Variants in SDR42E1 observed in about 807,000 individuals in gnomAD.
SDR42E1 encodes short-chain dehydrogenase/reductase family 42E member 1.
A neutral mutation model predicts 2.6 loss-of-function variants in SDR42E1; 5 were observed. The observed-to-expected ratio is 1.94, with a 90% CI of 1.01 to 4.08. The LOEUF is 4.08. SDR42E1 is among the 30% of genes most tolerant of loss of function. The probability of loss-of-function intolerance (pLI) is 0.00; values close to 1 mark genes in which losing one functional copy is unlikely to be tolerated. For synonymous variants in SDR42E1, 231 were observed against 188.3 expected, an observed-to-expected ratio of 1.23 and a Z score of -1.86; for missense variants, 596 against 478.6, an observed-to-expected ratio of 1.25 and a Z score of -2.29.
In SDR42E1 at chr16:81,999,226, C is replaced by T. The variant is rs775258325; in HGVS notation, c.1067G>A (p.Gly356Asp). 1 of 1,614,088 alleles carries T rather than the reference C, an allele frequency of 6.2e-7. No individual in the cohort carries two copies. The highest frequency in any genetic ancestry group is 1.3e-5 in the African/African-American group (1 of 74,926). ...AVEWFKAHGHGRSSGSRDSEC... is the reference protein window; with the variant it reads ...AVEWFKAHGHDRSSGSRDSEC... ...CGAGTCACGACTTCCAGAACTTCTG[C>T]CATGACCATGGGCTTTAAACCATTC... Residue 356 changes from glycine (G) to aspartate (D), a missense_variant, in exon 3 of 3, where the codon GGC becomes GAC. Coordinates refer to ENST00000328945, the MANE Select transcript of SDR42E1 (RefSeq NM_145168.3).
Position 81,997,734 on chromosome 16 carries a change from T to C in SDR42E1, c.*1377A>G, listed in dbSNP as rs1277576758. ...GAACCCTATGGGGTGGGTGGGTTTA[T>C]ACAAAGGGCAAATGCAGTCAGTCCC... On this transcript the variant is annotated 3_prime_UTR_variant, in exon 3 of 3. Transcript: ENST00000328945. 3 of 152,216 alleles carry C rather than the reference T, an allele frequency of 2.0e-5. No homozygotes were observed. Among genetic ancestry groups the C allele is most frequent in the East Asian group, 3.8e-4 (2 of 5,198 alleles). The allele number at this position is 152,216 out of a possible 1,614,324, so 9.4% of individuals were successfully genotyped here.
rs1251015799 is a variant in SDR42E1, at chr16:81,996,559, G to C, written c.*2552C>G. 6.6e-6 allele frequency: 1 copy of C among 152,094 alleles called. No homozygotes were observed. Among genetic ancestry groups the C allele is most frequent in the Non-Finnish European group, 1.5e-5 (1 of 68,038 alleles). The allele number at this position is 152,094 out of a possible 1,614,324, so 9.4% of individuals were successfully genotyped here. A position where few individuals can be genotyped will look rare whatever the true frequency, so the allele number is the denominator to read the frequency against. On this transcript the variant is annotated 3_prime_UTR_variant, in exon 3 of 3. Coordinates refer to ENST00000328945, the MANE Select transcript of SDR42E1 (RefSeq NM_145168.3). ...ACAGGTGCATGTGGGACATCCATGT[G>C]GAGTTGCAGAAGTACTTAGATATGA... is the stretch of plus-strand genomic sequence containing the variant.
Position 81,993,824 on chromosome 16 carries a change from T to C in SDR42E1, c.*5287A>G, listed in dbSNP as rs372923801. On this transcript the variant is annotated 3_prime_UTR_variant, in exon 3 of 3. Transcript: ENST00000328945. ...CATATAAAACAAGAGTTTGAACTAC[T>C]CTGCTTAAAGGTATGTTGGTGCCAA... is the stretch of plus-strand genomic sequence containing the variant. The C allele has an allele frequency of 4.6e-5, 7 of 152,336 alleles. No individual in the cohort carries two copies. Among genetic ancestry groups the C allele is most frequent in the African/African-American group, 1.7e-4 (7 of 41,566 alleles). 9.4% of individuals were successfully genotyped at this position (152,336 alleles called of 1,614,324 possible).
chr16:82,000,059 A>G lies in SDR42E1; in HGVS notation c.234T>C (p.His78=). The G allele has an allele frequency of 6.2e-7, 1 of 1,614,220 alleles. No homozygotes were observed. Among genetic ancestry groups the G allele is most frequent in the Non-Finnish European group, 8.5e-7 (1 of 1,180,036 alleles). ...FQDADVTCVF[H]IASYGMSGRE... ...GCCCTGACATACCATAAGAGGCAAT[A>G]TGGAACACACAAGTGACGTCTGCAT... Residue 78 remains histidine (H), a synonymous_variant, in exon 3 of 3, where the codon CAT becomes CAC. Coordinates refer to ENST00000328945, the MANE Select transcript of SDR42E1 (RefSeq NM_145168.3).
In SDR42E1 at chr16:81,996,803, C is replaced by G. The variant is rs1315546549; in HGVS notation, c.*2308G>C. ...GATATGGAAGCAGGAATGTGGTAGC[C>G]AGGTTCCACGTTGGCCTCCAATGAC... On this transcript the variant is annotated 3_prime_UTR_variant, in exon 3 of 3. Transcript: ENST00000328945. 6.6e-6 allele frequency: 1 copy of G among 152,150 alleles called. No individual in the cohort carries two copies. Among genetic ancestry groups the G allele is most frequent in the African/African-American group, 2.4e-5 (1 of 41,420 alleles). The allele number at this position is 152,150 out of a possible 1,614,324, so 9.4% of individuals were successfully genotyped here.
At position 81,989,258 on chromosome 16, in the gene SDR42E1, C is replaced by T. The variant is rs974375675; in HGVS notation, c.*9853G>A. 11 of 152,032 alleles carry T rather than the reference C, an allele frequency of 7.2e-5. No individual in the cohort carries two copies. Among genetic ancestry groups the T allele is most frequent in the African/African-American group, 2.7e-4 (11 of 41,388 alleles). 9.4% of individuals were successfully genotyped at this position (152,032 alleles called of 1,614,324 possible). On this transcript the variant is annotated 3_prime_UTR_variant, in exon 3 of 3. Coordinates refer to ENST00000328945, the MANE Select transcript of SDR42E1 (RefSeq NM_145168.3). ...AATATCAATAGATCACCATGCTGTA[C>T]TATTGAGTGAGAAACCGTAGTAGCA... is the stretch of plus-strand genomic sequence containing the variant.
intron 1 of SDR42E1, among the ~76,000 whole-genome samples, chr16:82,010,329 G>C (rs936849825): frequency 2.0e-5 from 3 of 152,132 alleles, no homozygotes; most frequent in Admixed American, 1.3e-4. Context: ...TAAGGGGTTG[G>C]GCAGGGTTCA....
intron 1 of SDR42E1, among the ~76,000 whole-genome samples, chr16:82,006,209 TAAGA>T (rs1481586284): frequency 3.3e-5 from 5 of 152,204 alleles, no homozygotes; most frequent in Admixed American, 6.5e-5. Flanking sequence ...GTATTTACTT[TAAGA>T]GAGAGAAAAA....
intron 1 of SDR42E1, among the ~76,000 whole-genome samples, chr16:82,004,705 G>C (rs941555402): frequency 7.9e-5 from 12 of 152,210 alleles, no homozygotes; most frequent in African/African-American, 2.9e-4. Context: ...GCCTTTGTAG[G>C]TTTACAGCAA....
intron 1 of SDR42E1, among the ~76,000 whole-genome samples, chr16:82,004,618 A>C (rs541771128): frequency 3.3e-5 from 5 of 152,292 alleles, no homozygotes; most frequent in Admixed American, 3.3e-4. Context: ...CTCCTACCTC[A>C]GCATCCTGAG....
rs1194488872 is a variant in SDR42E1 at position 81,989,782 on chromosome 16, G to A, written c.*9329C>T. ...GGAGGCCGAGGTGGGTGGATCACCT[G>A]AGCTCAGGAGTTCGATACCATCACG... On this transcript the variant is annotated 3_prime_UTR_variant, in exon 3 of 3. Transcript: ENST00000328945. 1 of 152,222 alleles carries A rather than the reference G, an allele frequency of 6.6e-6. No homozygotes were observed. The highest frequency in any genetic ancestry group is 1.9e-4 in the East Asian group (1 of 5,198). The allele number at this position is 152,222 out of a possible 1,614,324, so 9.4% of individuals were successfully genotyped here. A position where few individuals can be genotyped will look rare whatever the true frequency, so the allele number is the denominator to read the frequency against.
At position 81,999,579 on chromosome 16, in the gene SDR42E1, G is replaced by C; in HGVS notation, c.714C>G (p.Ala238=). Residue 238 remains alanine, a synonymous_variant, in exon 3 of 3, where the codon GCC becomes GCG. Transcript: ENST00000328945. ...LVQAHILASE[A]LRADKGHIAS... Reference sequence around the variant, plus strand: ...CAATATGGCCCTTGTCAGCTCTCAGGGCTTCTGAGGCCAGAATGTGAGCCT... The same window carrying C: ...CAATATGGCCCTTGTCAGCTCTCAGCGCTTCTGAGGCCAGAATGTGAGCCT... The C allele has an allele frequency of 6.2e-7, 1 of 1,614,086 alleles. No homozygotes were observed. Among genetic ancestry groups the C allele is most frequent in the Non-Finnish European group, 8.5e-7 (1 of 1,180,026 alleles).
Position 82,004,088 on chromosome 16 carries a change from G to A in SDR42E1, c.-26-3204C>T, listed in dbSNP as rs116758274. On this transcript the variant is annotated intron_variant, in intron 1 of 2. Coordinates refer to ENST00000328945, the MANE Select transcript of SDR42E1 (RefSeq NM_145168.3). ...CGAGACAGAGGTCCTGCTTTCCAGA[G>A]CTTACAAATAAGAAAGAGGCTTCTA... Among the ~76,000 whole-genome samples, 550 of 152,264 alleles carry A rather than the reference G, an allele frequency of 3.6e-3. 5 individuals are homozygous for A. The highest frequency in any genetic ancestry group is 0.012 in the African/African-American group (519 of 41,540).
intron 1 of SDR42E1, among the ~76,000 whole-genome samples, chr16:82,004,722 G>C (rs1056723655): frequency 7.9e-5 from 12 of 152,218 alleles, no homozygotes; most frequent in Non-Finnish European, 1.3e-4. Flanking sequence ...GCAATGAACC[G>C]TTGGGGCCAC....
At chr16:82,001,961 T>TAC (rs375862551) in intron 1 of SDR42E1, among the ~76,000 whole-genome samples, 3,814 of 137,224 alleles carry the variant, frequency 0.028, 81 homozygotes, top group East Asian at 0.12. Flanking sequence ...TGGGTGCGTA[T>TAC]ACACACACAC....
rs761021176 is a variant in SDR42E1 at position 81,999,586 on chromosome 16, G to A, written c.707C>T (p.Ser236Leu). ...GCCCTTGTCAGCTCTCAGGGCTTCT[G>A]AGGCCAGAATGTGAGCCTGCACCAA... ...DNLVQAHILA[S>L]EALRADKGHI... The change falls in exon 3 of 3, where the codon TCA (serine) becomes TTA (leucine). Residue 236 changes from serine (S) to leucine (L), a missense_variant. By Grantham distance (145) the Ser-to-Leu change is moderately radical. Coordinates refer to ENST00000328945, the MANE Select transcript of SDR42E1 (RefSeq NM_145168.3). 1 of 1,614,152 alleles carries A rather than the reference G, an allele frequency of 6.2e-7. No homozygotes were observed. Among genetic ancestry groups the A allele is most frequent in the South Asian group, 1.1e-5 (1 of 91,086 alleles).
Position 81,991,420 on chromosome 16 carries a change from C to G in SDR42E1, c.*7691G>C, listed in dbSNP as rs983489280. On this transcript the variant is annotated 3_prime_UTR_variant, in exon 3 of 3. Coordinates refer to ENST00000328945, the MANE Select transcript of SDR42E1 (RefSeq NM_145168.3). ...GCTAACGTGATAAAACCACCTCCAA[C>G]AAGGTAAGAGTTTGGGCCAGGCTCG... 6.6e-6 allele frequency: 1 copy of G among 152,096 alleles called. No individual in the cohort carries two copies. Among genetic ancestry groups the G allele is most frequent in the Non-Finnish European group, 1.5e-5 (1 of 68,024 alleles). The allele number at this position is 152,096 out of a possible 1,614,324, so 9.4% of individuals were successfully genotyped here.
chr16:81,999,925 G>A lies in SDR42E1; in HGVS notation c.368C>T (p.Thr123Ile). Residue 123 changes from threonine (T) to isoleucine (I), a missense_variant, in exon 3 of 3, where the codon ACT becomes ATT. Thr to Ile is a moderately conservative substitution (Grantham distance 89, BLOSUM62 -1). Transcript: ENST00000328945. ...RRVPRLVYTS[T>I]FNVIFGGQVI... ...TTGACCTCCAAAGATGACATTGAAAGTGCTGGTGTAAACTAACCTGGGCAC... is the reference window on the plus strand; with the variant it reads ...TTGACCTCCAAAGATGACATTGAAAATGCTGGTGTAAACTAACCTGGGCAC... The A allele has an allele frequency of 1.2e-6, 2 of 1,614,202 alleles. No homozygotes were observed. The highest frequency in any genetic ancestry group is 1.7e-6 in the Non-Finnish European group (2 of 1,180,034).
chr16:82,000,085 C>T lies in SDR42E1; in HGVS notation c.208G>A (p.Asp70Asn). The T allele has an allele frequency of 6.2e-7, 1 of 1,614,220 alleles. No homozygotes were observed. Reference protein sequence around the residue: ...HLSDVEKAFQDADVTCVFHIA... With the variant: ...HLSDVEKAFQNADVTCVFHIA... ...TGGAACACACAAGTGACGTCTGCAT[C>T]CTGGAAGGCTTTCTCTACGTCAGAC... is the stretch of plus-strand genomic sequence containing the variant. The change falls in exon 3 of 3, where the codon GAT becomes AAT. Residue 70 changes from aspartate to asparagine, a missense_variant. By Grantham distance (23) the Asp-to-Asn change is conservative. Coordinates refer to ENST00000328945, the MANE Select transcript of SDR42E1 (RefSeq NM_145168.3).
Sources: allele counts gnomAD v4.1 joint callset (sites outside exome capture counted in the v4.1 genomes callset), GRCh38; gene constraint gnomAD v4.1.1; transcripts MANE v1.5; gene names NCBI Gene and HGNC (gene_info 2026-07-23, HGNC 2026-07-21).